KCNK3: variants seen among roughly 807,000 people sequenced by gnomAD.
The protein encoded by KCNK3 is potassium channel subfamily K member 3.
Under a neutral mutation model 27.3 loss-of-function variants are expected in KCNK3, and 9 were observed. That is an observed-to-expected ratio of 0.33 (90% CI 0.20 to 0.57). The LOEUF (loss-of-function observed/expected upper bound fraction) is 0.57, where lower values mean the gene tolerates loss of function less well. KCNK3 is among the 20% of genes least tolerant of loss of function. KCNK3 has a pLI of 0.87. For synonymous variants in KCNK3, 278 were observed against 273.8 expected, an observed-to-expected ratio of 1.02 and a Z score of -0.15; for missense variants, 391 against 577.7, an observed-to-expected ratio of 0.68 and a Z score of 3.31.
chr2:26,704,429 G>A (rs879498955), intron 1 of KCNK3, among the ~76,000 whole-genome samples: 3 of 152,238 alleles, frequency 2.0e-5, no homozygotes, highest in South Asian at 2.1e-4. Context: ...TTTCTGCTCC[G>A]GGCTCCGAGG....
At chr2:26,726,104 CACAGAGAGAGAG>C (rs1464275664) in intron 1 of KCNK3, among the ~76,000 whole-genome samples, 10 of 80,478 alleles carry the variant, frequency 1.2e-4, no homozygotes, top group Non-Finnish European at 1.9e-4. Context: ...CACACACACA[CACAGAGAGAGAG>C]AGAGAGAGAG....
intron 1 of KCNK3, among the ~76,000 whole-genome samples, chr2:26,715,251 G>A (rs1478485882): frequency 6.6e-6 from 1 of 152,228 alleles, no homozygotes; most frequent in Admixed American, 6.5e-5. Context: ...TAAAATGTTT[G>A]TGAAGACTAA....
At position 26,721,064 on chromosome 2, in the gene KCNK3, G is replaced by A. The variant is rs1362569507; in HGVS notation, c.284-6603G>A. 6.6e-6 allele frequency among the ~76,000 whole-genome samples: 1 copy of A among 152,182 alleles called. No individual in the cohort carries two copies. The highest frequency in any genetic ancestry group is 2.4e-5 in the African/African-American group (1 of 41,522). On this transcript the variant is annotated intron_variant, in intron 1 of 1. Coordinates refer to ENST00000302909, the MANE Select transcript of KCNK3 (RefSeq NM_002246.3). This position sits in a 1 kb window ranked among gnomAD's most constrained non-coding sequence, Gnocchi z 4.3. ...GCCCTCCTGCCAAGGGCCACCTCCC[G>A]TCCCCATCCTGGATGTCTAAGGGGT...
chr2:26,697,821 C>T (rs112730412), intron 1 of KCNK3, among the ~76,000 whole-genome samples: 69 of 152,230 alleles, frequency 4.5e-4, no homozygotes, highest in African/African-American at 1.4e-3. Context: ...CACCACCTCC[C>T]GTCACCCACC....
chr2:26,694,147 C>A (rs2148252354), intron 1 of KCNK3, among the ~76,000 whole-genome samples: 1 of 152,300 alleles, frequency 6.6e-6, no homozygotes, highest in Non-Finnish European at 1.5e-5. Context: ...GATATATGAC[C>A]TTGGGCAAGT....
Position 26,728,349 on chromosome 2 carries a change from G to A in KCNK3, c.966G>A (p.Gln322=). Residue 322 remains glutamine, a synonymous_variant, in exon 2 of 2, where the codon CAG becomes CAA. Transcript: ENST00000302909. ...GGTACAAGAGCCGCGAGAAGCTGCAGTACTCCATCCCCATGATCATCCCGC... is the reference window on the plus strand; with the variant it reads ...GGTACAAGAGCCGCGAGAAGCTGCAATACTCCATCCCCATGATCATCCCGC... ...CLWYKSREKL[Q]YSIPMIIPRD... is the part of the protein sequence containing the mutation. 1 of 1,606,646 alleles carries A rather than the reference G, an allele frequency of 6.2e-7. No homozygotes were observed. The highest frequency in any genetic ancestry group is 2.2e-5 in the East Asian group (1 of 44,516).
chr2:26,701,631 C>T (rs1396599041), intron 1 of KCNK3, among the ~76,000 whole-genome samples: 5 of 152,232 alleles, frequency 3.3e-5, no homozygotes, highest in Non-Finnish European at 7.3e-5. Context: ...GGGGCTTGAA[C>T]AACACACATT....
Position 26,724,300 on chromosome 2 carries a change from T to C in KCNK3, c.284-3367T>C, listed in dbSNP as rs1663372799. On this transcript the variant is annotated intron_variant, in intron 1 of 1. Transcript: ENST00000302909. Reference sequence around the variant, plus strand: ...ATGGCCCTCCTGTTACCACCTCTGCTGCAACTGGCTCAGAGCAACGCCTGA... The same window carrying C: ...ATGGCCCTCCTGTTACCACCTCTGCCGCAACTGGCTCAGAGCAACGCCTGA... Among the ~76,000 whole-genome samples, 3 of 152,246 alleles carry C rather than the reference T, an allele frequency of 2.0e-5. No individual in the cohort carries two copies. In the South Asian group the frequency reaches 6.2e-4, roughly 32 times the overall value.
In KCNK3 at chr2:26,728,583, C is replaced by G; in HGVS notation, c.*15C>G. The G allele has an allele frequency of 7.0e-7, 1 of 1,419,106 alleles. No individual in the cohort carries two copies. 87.9% of individuals were successfully genotyped at this position (1,419,106 alleles called of 1,614,324 possible). ...GCTCCGTGTGACTGCCCCGAGGGGC[C>G]TGGAGCACCTGGGGGCGCGGGCGGG... is the stretch of plus-strand genomic sequence containing the variant. On this transcript the variant is annotated 3_prime_UTR_variant, in exon 2 of 2. Transcript: ENST00000302909.
intron 1 of KCNK3, among the ~76,000 whole-genome samples, chr2:26,694,137 G>A (rs1670205825): frequency 6.6e-6 from 1 of 152,124 alleles, no homozygotes; most frequent in Admixed American, 6.5e-5. Flanking sequence ...TCACTACCGT[G>A]ATATATGACC....
At chr2:26,697,007 C>T (rs952153637) in intron 1 of KCNK3, among the ~76,000 whole-genome samples, 7 of 152,078 alleles carry the variant, frequency 4.6e-5, no homozygotes, top group Non-Finnish European at 8.8e-5. Flanking sequence ...TTCATTTGTA[C>T]CCCCTTATTT....
In KCNK3 at chr2:26,728,649, T is replaced by G; in HGVS notation, c.*81T>G. The stretch of plus-strand genomic sequence containing the variant: ...GGCCAGGAGACTGCCCCTGCTGCCT[T>G]CTGCCCAGTGGGACCCCGCACAACA... On this transcript the variant is annotated 3_prime_UTR_variant, in exon 2 of 2. Coordinates refer to ENST00000302909, the MANE Select transcript of KCNK3 (RefSeq NM_002246.3). 8.1e-7 allele frequency: 1 copy of G among 1,231,262 alleles called. No homozygotes were observed. 76.3% of individuals were successfully genotyped at this position (1,231,262 alleles called of 1,614,324 possible). A position where few individuals can be genotyped will look rare whatever the true frequency, so the allele number is the denominator to read the frequency against.
intron 1 of KCNK3, among the ~76,000 whole-genome samples, chr2:26,702,222 C>CAG (rs1418787383): frequency 1.3e-5 from 2 of 151,926 alleles, no homozygotes; most frequent in African/African-American, 4.8e-5. Flanking sequence ...CCTCACATGA[C>CAG]AGAGAGAGAG....
Position 26,707,695 on chromosome 2 carries a change from G to A in KCNK3, c.283+14537G>A, listed in dbSNP as rs1670392845. ...GCTGCTGATGGTCCGCACCTGCAGA[G>A]TAGAGGCTCAGGCAGACAGCAGATA... On this transcript the variant is annotated intron_variant, in intron 1 of 1. Coordinates refer to ENST00000302909, the MANE Select transcript of KCNK3 (RefSeq NM_002246.3). Among the ~76,000 whole-genome samples the A allele has an allele frequency of 2.6e-5, 4 of 152,220 alleles. No individual in the cohort carries two copies. The South Asian group carries it at 8.3e-4, about 32-fold the overall frequency.
chr2:26,727,553 G>C, intron 1 of KCNK3, 114 bp from the exon 2 acceptor site: 1 of 1,414,072 alleles, frequency 7.1e-7, no homozygotes, highest in Non-Finnish European at 9.5e-7. Context: ...CATCACTGTG[G>C]ACCCAGACCC....
Position 26,701,598 on chromosome 2 carries a change from C to T in KCNK3, c.283+8440C>T, listed in dbSNP as rs13412219. 9.5e-3 allele frequency among the ~76,000 whole-genome samples: 1,445 copies of T among 152,346 alleles called. 20 individuals carry two copies. The highest frequency in any genetic ancestry group is 0.032 in the African/African-American group (1,322 of 41,570). On this transcript the variant is annotated intron_variant, in intron 1 of 1. Transcript: ENST00000302909. The stretch of plus-strand genomic sequence containing the variant: ...CATCAGCCTGTCTTAGTTTGGGCTG[C>T]TATCATAAATTACTGTAGACTGGGG...
chr2:26,693,245 G>T lies in KCNK3; in HGVS notation c.283+87G>T. 1 of 1,208,840 alleles carries T rather than the reference G, an allele frequency of 8.3e-7. No individual in the cohort carries two copies. Among genetic ancestry groups the T allele is most frequent in the Non-Finnish European group, 1.1e-6 (1 of 919,186 alleles). The allele number at this position is 1,208,840 out of a possible 1,614,324, so 74.9% of individuals were successfully genotyped here. A position where few individuals can be genotyped will look rare whatever the true frequency, so the allele number is the denominator to read the frequency against. ...CCGGGGCCGGCTGGGGCTGGGGGCG[G>T]GGGCTCCCCCGAGAGGGGCTGGGCG... On this transcript the variant is annotated intron_variant, in intron 1 of 1. Transcript: ENST00000302909. This position sits in a 1 kb window ranked among gnomAD's most constrained non-coding sequence, Gnocchi z 5.5.
At chr2:26,718,894 G>T (rs1043800713) in intron 1 of KCNK3, among the ~76,000 whole-genome samples, 1 of 152,166 alleles carries the variant, frequency 6.6e-6, no homozygotes, top group African/African-American at 2.4e-5. Context: ...AGGCATGAAC[G>T]AGTGTGCCCA....
At chr2:26,726,102 CACACAGAGAGAGAGAGAGAGAGAG>C (rs1264456288) in intron 1 of KCNK3, among the ~76,000 whole-genome samples, 5 of 136,144 alleles carry the variant, frequency 3.7e-5, no homozygotes, top group African/African-American at 1.4e-4. Flanking sequence ...CACACACACA[CACACAGAGAGAGAGAGAGAGAGAG>C]AGAGAGAGAG....
Sources: gnomAD v4.1 joint callset for allele counts (sites outside exome capture counted in the v4.1 genomes callset) on GRCh38, gnomAD v4.1.1 for gene constraint, Gnocchi (gnomAD v3.1) non-coding constraint, MANE v1.5 for transcripts, NCBI Gene and HGNC (gene_info 2026-07-23, HGNC 2026-07-21) for gene names.